The following DMBT1 variants were observed in gnomAD, a reference collection of about 807,000 sequenced individuals.
DMBT1 encodes deleted in malignant brain tumors 1, also known as scavenger receptor cysteine-rich domain-containing protein DMBT1.
A neutral mutation model predicts 252.9 loss-of-function variants in DMBT1; 198 were observed. That is an observed-to-expected ratio of 0.78 (90% CI 0.70 to 0.88). DMBT1 has a LOEUF of 0.88. Among genes scored for constraint, DMBT1 ranks in the 40% least tolerant of loss-of-function variants. The pLI is 0.00. For synonymous variants in DMBT1, 990 were observed against 942.7 expected, an observed-to-expected ratio of 1.05 and a Z score of -0.92; for missense variants, 2,432 against 2,404.7, an observed-to-expected ratio of 1.01 and a Z score of -0.24.
At position 122,593,408 on chromosome 10, in the gene DMBT1, G is replaced by A. The variant is rs565719282; in HGVS notation, c.2501-161G>A. ...AAGGATCTGCCTCGACCCCTTACAC[G>A]GTGCATCTCTGTGGGGATGTGCATG... On this transcript the variant is annotated intron_variant, in intron 20 of 55. Coordinates refer to ENST00000338354, the MANE Select transcript of DMBT1 (RefSeq NM_001377530.1). Among the ~76,000 whole-genome samples, 43 of 148,258 alleles carry A rather than the reference G, an allele frequency of 2.9e-4. 2 individuals carry two copies. The highest frequency in any genetic ancestry group is 9.7e-4 in the African/African-American group (40 of 41,198).
In DMBT1 at chr10:122,578,773, T is replaced by C. The variant is rs2097736198; in HGVS notation, c.679+14T>C. The C allele has an allele frequency of 1.9e-6, 3 of 1,602,654 alleles. No individual in the cohort carries two copies. Among genetic ancestry groups the C allele is most frequent in the African/African-American group, 1.3e-5 (1 of 74,762 alleles). On this transcript the variant is annotated intron_variant, in intron 9 of 55. Transcript: ENST00000338354. ...TACCCACAGAAGGTAAAGAATCCTC[T>C]CAACACTCCCTGGGGCTCACTTTCT...
Position 122,617,264 on chromosome 10 carries a change from A to G in DMBT1, c.4891+4A>G. 6.2e-7 allele frequency: 1 copy of G among 1,609,588 alleles called. No homozygotes were observed. Among genetic ancestry groups the G allele is most frequent in the East Asian group, 2.3e-5 (1 of 43,090 alleles). The stretch of plus-strand genomic sequence containing the variant: ...ACCTCTCGTGCATCAACAGCAGGTA[A>G]ACAATCCTCTCACCCCTCCCTAGGG... On this transcript the variant is annotated splice_donor_region_variant and intron_variant, in intron 40 of 55. Transcript: ENST00000338354.
At position 122,599,111 on chromosome 10, in the gene DMBT1, A is replaced by C; in HGVS notation, c.3280+14A>C. On this transcript the variant is annotated intron_variant, in intron 26 of 55. Coordinates refer to ENST00000338354, the MANE Select transcript of DMBT1 (RefSeq NM_001377530.1). ...TCATCTGCTCAGGTGGGCCTTCAAG[A>C]ACTTGGGATCACTCTCTTGGGGTGG... 3.1e-6 allele frequency: 5 copies of C among 1,613,838 alleles called. No homozygotes were observed. Among genetic ancestry groups the C allele is most frequent in the Non-Finnish European group, 4.2e-6 (5 of 1,179,762 alleles).
At chr10:122,570,081 CTT>C in intron 2 of DMBT1, 79 bp from the exon 3 acceptor site, 1 of 1,310,120 alleles carries the variant, frequency 7.6e-7, no homozygotes, top group Non-Finnish European at 1.1e-6. Context: ...CCAGTTCTTG[CTT>C]GAGAGCTGAG....
rs192235573 is a variant in DMBT1 at position 122,620,288 on chromosome 10, G to T, written c.5281G>T (p.Val1761Leu). Reference protein sequence around the residue: ...WLTTNLPALTVGSESSLALRL... With the variant: ...WLTTNLPALTLGSESSLALRL... ...GACCACCAACTTACCGGCATTGACA[G>T]TAGGTAAATAATCCTCTCGCCCCTC... Residue 1761 changes from valine to leucine, a missense_variant, in exon 43 of 56, where the codon GTA becomes TTA. By Grantham distance (32) the Val-to-Leu change is conservative. Coordinates refer to ENST00000338354, the MANE Select transcript of DMBT1 (RefSeq NM_001377530.1). The T allele has an allele frequency of 6.2e-7, 1 of 1,613,848 alleles. No homozygotes were observed. The highest frequency in any genetic ancestry group is 8.5e-7 in the Non-Finnish European group (1 of 1,179,888).
chr10:122,619,458 C>T, intron 42 of DMBT1, 121 bp downstream of exon 42: 4 of 1,333,256 alleles, frequency 3.0e-6, no homozygotes, highest in Non-Finnish European at 2.1e-6. Flanking sequence ...TATTTTTCCT[C>T]CCACCACTCT....
intron 52 of DMBT1, among the ~76,000 whole-genome samples, chr10:122,635,191 A>G (rs2098216540): frequency 6.6e-6 from 1 of 152,228 alleles, no homozygotes; most frequent in Non-Finnish European, 1.5e-5. Flanking sequence ...GAGCTTCACC[A>G]TAGCCCTCTT....
At chr10:122,587,916 A>T (rs921514671) in intron 16 of DMBT1, among the ~76,000 whole-genome samples, 1 of 148,244 alleles carries the variant, frequency 6.7e-6, no homozygotes, top group Non-Finnish European at 1.5e-5. Flanking sequence ...CACACTTCAG[A>T]GGTAGGAGGG....
chr10:122,621,633 G>A (rs1042171789), intron 44 of DMBT1, among the ~76,000 whole-genome samples: 2 of 152,170 alleles, frequency 1.3e-5, no homozygotes, highest in Admixed American at 6.5e-5. Context: ...GGAAGAGGCA[G>A]AAGAAAAAAT....
chr10:122,576,486 G>A lies in DMBT1; in HGVS notation c.371G>A (p.Gly124Asp). ...GAGATCCTATACCGAGGCTCCTGGG[G>A]CACCGTGTGTGATGACAGCTGGGAC... ...RVEILYRGSW[G>D]TVCDDSWDTN... Residue 124 changes from glycine (G) to aspartate (D), a missense_variant, in exon 7 of 56, where the codon GGC becomes GAC. Gly to Asp is a moderately conservative substitution (Grantham distance 94). Transcript: ENST00000338354. The A allele has an allele frequency of 2.5e-6, 4 of 1,613,962 alleles. No individual in the cohort carries two copies. Among genetic ancestry groups the A allele is most frequent in the Non-Finnish European group, 3.4e-6 (4 of 1,179,864 alleles).
In DMBT1 at chr10:122,592,462, C is replaced by A; in HGVS notation, c.2367C>A (p.Gly789=). Residue 789 remains glycine, a synonymous_variant, in exon 20 of 56, where the codon GGC becomes GGA. Transcript: ENST00000338354. ...CGGCCCCAGGAAATGCCCGGTTTGG[C>A]CAGGGCTCAGGACCCATTGTTCTGG... ...ATSAPGNARF[G]QGSGPIVLDD... is the part of the protein sequence containing the mutation. 6.3e-7 allele frequency: 1 copy of A among 1,588,136 alleles called. No individual in the cohort carries two copies. Among genetic ancestry groups the A allele is most frequent in the Non-Finnish European group, 8.6e-7 (1 of 1,165,642 alleles).
Position 122,589,095 on chromosome 10 carries a change from T to C in DMBT1, c.1935T>C (p.Cys645=). ...DANVVCRQLG[C]GWATSAPGNA... ...ATGTGGTCTGCAGGCAGCTGGGCTG[T>C]GGCTGGGCCACGTCAGCCCCAGGAA... is the stretch of plus-strand genomic sequence containing the variant. Residue 645 remains cysteine, a synonymous_variant, in exon 17 of 56, where the codon TGT becomes TGC. Coordinates refer to ENST00000338354, the MANE Select transcript of DMBT1 (RefSeq NM_001377530.1). 6.3e-7 allele frequency: 1 copy of C among 1,588,698 alleles called. No individual in the cohort carries two copies. The highest frequency in any genetic ancestry group is 1.7e-4 in the Middle Eastern group (1 of 6,010).
intron 53 of DMBT1, 30 bp downstream of exon 53, chr10:122,636,229 G>A: frequency 6.4e-7 from 1 of 1,566,796 alleles, no homozygotes; most frequent in Non-Finnish European, 8.8e-7. Flanking sequence ...TGCTCTGTTG[G>A]GACTGGGGAC....
At chr10:122,564,589 G>C (rs2097574002) in intron 1 of DMBT1, among the ~76,000 whole-genome samples, 2 of 151,066 alleles carry the variant, frequency 1.3e-5, no homozygotes, top group Non-Finnish European at 1.5e-5. Flanking sequence ...CATACATTTT[G>C]GTATATAAAC....
At chr10:122,568,104 A>C (rs918641708) in intron 2 of DMBT1, among the ~76,000 whole-genome samples, 1 of 152,168 alleles carries the variant, frequency 6.6e-6, no homozygotes, top group Admixed American at 6.5e-5. Context: ...GTGAAATGGC[A>C]GTGGGAACGA....
intron 1 of DMBT1, 98 bp from the exon 2 acceptor site, chr10:122,565,869 T>G: frequency 8.4e-7 from 1 of 1,188,694 alleles, no homozygotes; most frequent in Non-Finnish European, 1.2e-6. Flanking sequence ...CACAGCGCCC[T>G]CTGGTGTGAT....
chr10:122,593,193 A>C (rs928162017), intron 20 of DMBT1, among the ~76,000 whole-genome samples: 2 of 148,924 alleles, frequency 1.3e-5, no homozygotes, highest in African/African-American at 2.4e-5. Context: ...CCCATGAGAC[A>C]GGCCAGGCAT....
At chr10:122,579,170 C>T (rs2097741883) in intron 9 of DMBT1, among the ~76,000 whole-genome samples, 1 of 151,698 alleles carries the variant, frequency 6.6e-6, no homozygotes, top group East Asian at 1.9e-4. Context: ...AGAACAAGCC[C>T]TGGGGGTCTC....
At chr10:122,572,255 A>G in intron 4 of DMBT1, 59 bp from the exon 5 acceptor site, 5 of 1,607,066 alleles carry the variant, frequency 3.1e-6, no homozygotes, top group Non-Finnish European at 4.3e-6. Context: ...GAAGCCATGG[A>G]CCAACCCTCT....
Sources: allele counts gnomAD v4.1 joint callset (sites outside exome capture counted in the v4.1 genomes callset), GRCh38; gene constraint gnomAD v4.1.1; transcripts MANE v1.5; gene names NCBI Gene and HGNC (gene_info 2026-07-23, HGNC 2026-07-21).